Variants in OTOGL observed in about 807,000 individuals in gnomAD.
OTOGL encodes the protein otogelin-like protein.
OTOGL carries 285 observed loss-of-function variants against 318.5 expected under a neutral mutation model. The ratio of observed to expected loss-of-function variants is 0.89; its 90% CI spans 0.81 to 0.99. The LOEUF is 0.99. Ranked by LOEUF, OTOGL falls within the 50% of genes least tolerant of loss-of-function variation. OTOGL has a pLI of 0.00. For synonymous variants in OTOGL, 987 were observed against 936.5 expected, an observed-to-expected ratio of 1.05 and a Z score of -0.99; for missense variants, 2,899 against 2,845.6, an observed-to-expected ratio of 1.02 and a Z score of -0.43.
rs185210701 is a variant in OTOGL, at chr12:80,135,033, A to G, written c.-20+35428A>G. ...GCTCTCCCATGAAGACATCACTTCTACATCATCTCTGATTCTGTTTTATTT... is the reference window on the plus strand; with the variant it reads ...GCTCTCCCATGAAGACATCACTTCTGCATCATCTCTGATTCTGTTTTATTT... On this transcript the variant is annotated intron_variant, in intron 1 of 58. Transcript: ENST00000547103. Among the ~76,000 whole-genome samples the G allele has an allele frequency of 1.7e-3, 264 of 152,204 alleles. 3 individuals are homozygous for G. The highest frequency in any genetic ancestry group is 3.4e-3 in the Middle Eastern group (1 of 294).
intron 26 of OTOGL, among the ~76,000 whole-genome samples, chr12:80,290,711 A>C (rs941740307): frequency 2.6e-5 from 4 of 152,166 alleles, no homozygotes; most frequent in Non-Finnish European, 4.4e-5. Context: ...AGCATTAAAA[A>C]TCTTGTTCAT....
At chr12:80,275,604 A>G (rs11114381) in intron 24 of OTOGL, among the ~76,000 whole-genome samples, 12,383 of 152,018 alleles carry the variant, frequency 0.081, 563 homozygotes, top group South Asian at 0.14. Flanking sequence ...CAATTTTGAA[A>G]GAAAATTTTA....
intron 46 of OTOGL, among the ~76,000 whole-genome samples, chr12:80,355,224 C>CTTTCTTTTTTT (rs1889799791): frequency 6.1e-5 from 4 of 65,600 alleles, no homozygotes; most frequent in Admixed American, 1.7e-4. Flanking sequence ...TTCTTTCTTT[C>CTTTCTTTTTTT]TTTTCTTTTT....
chr12:80,159,401 A>T (rs1347085093), intron 1 of OTOGL, among the ~76,000 whole-genome samples: 1 of 152,164 alleles, frequency 6.6e-6, no homozygotes. Flanking sequence ...TAGTGTCAAT[A>T]GGACGGTACA....
chr12:80,318,626 G>GT lies in OTOGL; in HGVS notation c.3719dup (p.Cys1241LeufsTer38). The GT allele has an allele frequency of 6.8e-7, 1 of 1,472,212 alleles. No individual in the cohort carries two copies. Among genetic ancestry groups the GT allele is most frequent in the Non-Finnish European group, 9.0e-7 (1 of 1,110,232 alleles). 91.2% of individuals were successfully genotyped at this position (1,472,212 alleles called of 1,614,324 possible). ...GGGGGCCAATATGACCAGCAGAAGC[G>GT]TTTTCTGTTTGCCGAGAAGCAGTGT... On this transcript the variant is annotated frameshift_variant, in exon 33 of 59. Coordinates refer to ENST00000547103, the MANE Select transcript of OTOGL (RefSeq NM_001378609.3). LOFTEE classifies it high-confidence loss of function.
At chr12:80,227,393 T>C (rs1379548977) in intron 7 of OTOGL, among the ~76,000 whole-genome samples, 1 of 152,180 alleles carries the variant, frequency 6.6e-6, no homozygotes, top group Non-Finnish European at 1.5e-5. Flanking sequence ...TTCTAAATTG[T>C]TTTTTATTTC....
At chr12:80,225,134 CATAAGA>C (rs1422222180) in intron 7 of OTOGL, among the ~76,000 whole-genome samples, 1 of 151,826 alleles carries the variant, frequency 6.6e-6, no homozygotes, top group Admixed American at 6.6e-5. Flanking sequence ...ACTTATGGGG[CATAAGA>C]ATAAAAATTT....
At chr12:80,206,616 C>T (rs1245969958) in intron 1 of OTOGL, among the ~76,000 whole-genome samples, 1 of 151,980 alleles carries the variant, frequency 6.6e-6, no homozygotes, top group Non-Finnish European at 1.5e-5. Flanking sequence ...CTCAAACGAT[C>T]CTTCCACCTC....
chr12:80,203,280 G>C (rs752441088), intron 1 of OTOGL, among the ~76,000 whole-genome samples: 3 of 152,058 alleles, frequency 2.0e-5, no homozygotes, highest in Non-Finnish European at 4.4e-5. Flanking sequence ...GCCTTTTCTA[G>C]CTTCTAGAAG....
At chr12:80,161,099 T>C (rs1426575942) in intron 1 of OTOGL, among the ~76,000 whole-genome samples, 2 of 151,332 alleles carry the variant, frequency 1.3e-5, no homozygotes, top group Admixed American at 6.6e-5. Context: ...GGGAAGGGGG[T>C]GAGGGATAAA....
intron 1 of OTOGL, among the ~76,000 whole-genome samples, chr12:80,149,368 G>C (rs1872619362): frequency 1.3e-5 from 2 of 152,178 alleles, no homozygotes; most frequent in South Asian, 4.2e-4. Flanking sequence ...GGCTGCTCGG[G>C]GGTCGGGGGC....
At chr12:80,266,340 C>A in intron 20 of OTOGL, 111 bp from the exon 21 acceptor site, 1 of 1,136,532 alleles carries the variant, frequency 8.8e-7, no homozygotes, top group Non-Finnish European at 1.2e-6. Context: ...CTCCCAATTC[C>A]TTGCCTTGTA....
At chr12:80,305,521 C>A in intron 28 of OTOGL, 55 bp from the exon 29 acceptor site, 1 of 1,325,332 alleles carries the variant, frequency 7.5e-7, no homozygotes, top group South Asian at 2.3e-5. Flanking sequence ...GAATATGAGT[C>A]TTTAAATGTT....
In OTOGL at chr12:80,249,223, T is replaced by G. The variant is rs1395312888; in HGVS notation, c.1053-2470T>G. 1.3e-4 allele frequency among the ~76,000 whole-genome samples: 20 copies of G among 149,140 alleles called. No individual in the cohort carries two copies. The East Asian group carries it at 3.7e-3, about 28-fold the overall frequency. On this transcript the variant is annotated intron_variant, in intron 11 of 58. Transcript: ENST00000547103. ...TTGCTGGTGAGGAACTGCGTTCCTTTGGAGGAGGAGAGGCGCTCTGCGTTT... is the reference window on the plus strand; with the variant it reads ...TTGCTGGTGAGGAACTGCGTTCCTTGGGAGGAGGAGAGGCGCTCTGCGTTT...
chr12:80,135,861 C>G (rs556576648), intron 1 of OTOGL, among the ~76,000 whole-genome samples: 1 of 152,122 alleles, frequency 6.6e-6, no homozygotes, highest in Non-Finnish European at 1.5e-5. Flanking sequence ...AACAGAAAGG[C>G]CGACTCTCAC....
chr12:80,171,839 T>C (rs34126706), intron 1 of OTOGL, among the ~76,000 whole-genome samples: 2,330 of 152,284 alleles, frequency 0.015, 54 homozygotes, highest in African/African-American at 0.049. Flanking sequence ...TATCTTTTGA[T>C]TCTATAAATA....
At chr12:80,194,426 A>G (rs529117896) in intron 1 of OTOGL, among the ~76,000 whole-genome samples, 1 of 152,304 alleles carries the variant, frequency 6.6e-6, no homozygotes, top group East Asian at 1.9e-4. Context: ...AAGACCTTCT[A>G]ATTGCAAATT....
At chr12:80,228,107 G>A (rs1879035518) in intron 7 of OTOGL, among the ~76,000 whole-genome samples, 1 of 152,016 alleles carries the variant, frequency 6.6e-6, no homozygotes, top group East Asian at 1.9e-4. Context: ...TGCTGATTAA[G>A]CATAAAACTA....
chr12:80,302,869 T>G, intron 28 of OTOGL, 86 bp downstream of exon 28: 1 of 1,188,378 alleles, frequency 8.4e-7, no homozygotes, highest in Non-Finnish European at 1.1e-6. Context: ...ATGATTAATG[T>G]TTTCCTTTAA....
Sources: gnomAD v4.1 joint callset for allele counts (sites outside exome capture counted in the v4.1 genomes callset) on GRCh38, gnomAD v4.1.1 for gene constraint, MANE v1.5 for transcripts, NCBI Gene and HGNC (gene_info 2026-07-23, HGNC 2026-07-21) for gene names.